HEATR5A: variants seen among roughly 807,000 people sequenced by gnomAD.
HEATR5A encodes HEAT repeat containing 5A.
In HEATR5A, 178 loss-of-function variants were observed where a neutral mutation model predicts 218.8. The ratio of observed to expected loss-of-function variants is 0.81; its 90% CI spans 0.72 to 0.92. The LOEUF (loss-of-function observed/expected upper bound fraction) is 0.92. HEATR5A is among the 40% of genes least tolerant of loss of function. HEATR5A has a pLI of 0.00. For synonymous variants in HEATR5A, 864 were observed against 871.6 expected, an observed-to-expected ratio of 0.99 and a Z score of 0.15; for missense variants, 2,420 against 2,418.9, an observed-to-expected ratio of 1.00 and a Z score of -0.01.
chr14:31,323,869 G>T, intron 23 of HEATR5A, 65 bp from the exon 24 acceptor site: 3 of 1,112,534 alleles, frequency 2.7e-6, no homozygotes, highest in South Asian at 1.6e-5. Context: ...TATATCAAAA[G>T]GAACAAAAAA....
rs1221236168 is a variant in HEATR5A at position 31,313,078 on chromosome 14, T to A, written c.4331A>T (p.Asp1444Val). 9.9e-6 allele frequency: 16 copies of A among 1,613,482 alleles called. No homozygotes were observed. Among genetic ancestry groups the A allele is most frequent in the Non-Finnish European group, 1.4e-5 (16 of 1,179,546 alleles). ...TGTGCCAAGATCTGCATAGACTAAG[T>A]CAAGCAGTCCATCTGATGAACATGA... The part of the protein sequence containing the change: ...NGSCSSDGLL[D>V]LVYADLGTLS... Residue 1444 changes from aspartate (D) to valine (V), a missense_variant, in exon 28 of 36, where the codon GAC (aspartate) becomes GTC (valine). Transcript: ENST00000543095.
At chr14:31,419,907 T>C (rs918948876) in intron 1 of HEATR5A, among the ~76,000 whole-genome samples, 1 of 152,020 alleles carries the variant, frequency 6.6e-6, no homozygotes, top group African/African-American at 2.4e-5. Context: ...AAAGCAAATA[T>C]CCACACTCTC....
chr14:31,303,773 C>CCT (rs1899465782), intron 32 of HEATR5A, among the ~76,000 whole-genome samples: 1 of 152,116 alleles, frequency 6.6e-6, no homozygotes, highest in African/African-American at 2.4e-5. Flanking sequence ...AGATAAGGGT[C>CCT]ATTTCAGATC....
chr14:31,368,413 C>CTAAGACA (rs1341055790), intron 13 of HEATR5A, among the ~76,000 whole-genome samples: 6 of 152,170 alleles, frequency 3.9e-5, no homozygotes, highest in Non-Finnish European at 7.3e-5. Flanking sequence ...CACAAATGGA[C>CTAAGACA]TAAGACAGAT....
chr14:31,359,729 C>CA (rs376157768), intron 14 of HEATR5A, among the ~76,000 whole-genome samples: 779 of 32,164 alleles, frequency 0.024, 8 homozygotes, highest in Non-Finnish European at 0.042. Context: ...CATCTCAAGA[C>CA]AAAAAAAAAA....
chr14:31,419,467 T>C (rs919095808), intron 1 of HEATR5A, among the ~76,000 whole-genome samples: 5 of 152,274 alleles, frequency 3.3e-5, no homozygotes, highest in Admixed American at 2.6e-4. Flanking sequence ...TTAAGTAATT[T>C]CACTGGGAGT....
At chr14:31,401,961 G>A (rs2030894171) in intron 2 of HEATR5A, among the ~76,000 whole-genome samples, 2 of 152,012 alleles carry the variant, frequency 1.3e-5, no homozygotes, top group Admixed American at 1.3e-4. Context: ...GCTCAATGAG[G>A]CCTAAAATTC....
At chr14:31,414,491 T>C (rs2031382622) in intron 1 of HEATR5A, among the ~76,000 whole-genome samples, 3 of 152,144 alleles carry the variant, frequency 2.0e-5, no homozygotes, top group Non-Finnish European at 2.9e-5. Context: ...ACAAATAATA[T>C]TGAATATAGA....
intron 1 of HEATR5A, among the ~76,000 whole-genome samples, chr14:31,411,147 G>GA (rs889824919): frequency 6.6e-6 from 1 of 151,730 alleles, no homozygotes; most frequent in African/African-American, 2.4e-5. Context: ...AACTCTTTTA[G>GA]AAAAAAATAT....
chr14:31,341,163 T>TA (rs922717976), intron 21 of HEATR5A, among the ~76,000 whole-genome samples: 1 of 152,184 alleles, frequency 6.6e-6, no homozygotes, highest in African/African-American at 2.4e-5. Context: ...GATTGTGTAT[T>TA]AAAAAAATCA....
At chr14:31,380,357 T>C in intron 11 of HEATR5A, 110 bp downstream of exon 11, 1 of 652,776 alleles carries the variant, frequency 1.5e-6, no homozygotes, top group South Asian at 2.4e-5. Context: ...TGTGGCTATT[T>C]AAATTCTGGT....
chr14:31,390,299 C>T (rs2030401873), intron 6 of HEATR5A, among the ~76,000 whole-genome samples: 1 of 151,852 alleles, frequency 6.6e-6, no homozygotes, highest in Non-Finnish European at 1.5e-5. Flanking sequence ...AGTGGAAGAC[C>T]GTGAGCAGAC....
intron 5 of HEATR5A, among the ~76,000 whole-genome samples, chr14:31,394,618 A>G (rs1049517361): frequency 6.6e-6 from 1 of 152,080 alleles, no homozygotes; most frequent in African/African-American, 2.4e-5. Flanking sequence ...GATAGAGACC[A>G]TCCTGGCTAA....
At chr14:31,371,963 C>T in intron 12 of HEATR5A, 54 bp from the exon 13 acceptor site, 3 of 748,842 alleles carry the variant, frequency 4.0e-6, no homozygotes, top group Non-Finnish European at 6.6e-6. Context: ...CCATGAAAGG[C>T]ACATTTGATT....
chr14:31,294,132 A>C, intron 34 of HEATR5A, 28 bp from the exon 35 acceptor site: 1 of 1,382,284 alleles, frequency 7.2e-7, no homozygotes, highest in Non-Finnish European at 9.9e-7. Context: ...AAGAATAGCA[A>C]ATACTATAAA....
intron 9 of HEATR5A, among the ~76,000 whole-genome samples, chr14:31,384,040 A>G (rs2030103450): frequency 6.6e-6 from 1 of 152,218 alleles, no homozygotes; most frequent in Admixed American, 6.5e-5. Flanking sequence ...CCGCGCACAA[A>G]AGAAAAACTT....
chr14:31,342,446 C>T (rs921039342), intron 21 of HEATR5A, among the ~76,000 whole-genome samples: 1 of 152,038 alleles, frequency 6.6e-6, no homozygotes, highest in Non-Finnish European at 1.5e-5. Flanking sequence ...TAATAATATA[C>T]TGTATGTTGA....
At chr14:31,321,423 T>G in intron 25 of HEATR5A, 76 bp downstream of exon 25, 45 of 1,187,044 alleles carry the variant, frequency 3.8e-5, no homozygotes, top group Non-Finnish European at 4.8e-5. Flanking sequence ...ATTACAGGCA[T>G]GAGCCACCAT....
chr14:31,412,375 T>C (rs2031304416), intron 1 of HEATR5A, among the ~76,000 whole-genome samples: 1 of 150,910 alleles, frequency 6.6e-6, no homozygotes, highest in Non-Finnish European at 1.5e-5. Flanking sequence ...GGCGGGTGGA[T>C]CACGAGGTCA....
Sources: gnomAD v4.1 joint callset for allele counts (sites outside exome capture counted in the v4.1 genomes callset) on GRCh38, gnomAD v4.1.1 for gene constraint, MANE v1.5 for transcripts, NCBI Gene and HGNC (gene_info 2026-07-23, HGNC 2026-07-21) for gene names.